The following HSD17B7 variants were observed in gnomAD, a reference collection of about 807,000 sequenced individuals.
HSD17B7 encodes 3-keto-steroid reductase/17-beta-hydroxysteroid dehydrogenase 7.
HSD17B7 carries 17 observed loss-of-function variants against 34.1 expected under a neutral mutation model. The observed-to-expected ratio is 0.50, with a 90% CI of 0.34 to 0.75. The LOEUF (loss-of-function observed/expected upper bound fraction) is 0.75, where lower values mean the gene tolerates loss of function less well. HSD17B7 is among the 30% of genes least tolerant of loss of function. The pLI, the probability that HSD17B7 is intolerant of heterozygous loss-of-function variation, is 0.01. For synonymous variants in HSD17B7, 122 were observed against 154.6 expected, an observed-to-expected ratio of 0.79 and a Z score of 1.56; for missense variants, 296 against 406.6, an observed-to-expected ratio of 0.73 and a Z score of 2.34.
intron 8 of HSD17B7, among the ~76,000 whole-genome samples, chr1:162,806,408 CA>C (rs1402507797): frequency 6.6e-6 from 1 of 152,118 alleles, no homozygotes; most frequent in Non-Finnish European, 1.5e-5. Context: ...CCAGGTTTTT[CA>C]AAATATGTTC....
intron 8 of HSD17B7, among the ~76,000 whole-genome samples, chr1:162,811,720 C>G (rs1488166092): frequency 6.6e-6 from 1 of 152,226 alleles, no homozygotes; most frequent in African/African-American, 2.4e-5. Context: ...GCATGGCCCT[C>G]AGGCTTGTGG....
chr1:162,803,644 A>G (rs1386362334), intron 6 of HSD17B7, 109 bp downstream of exon 6: 21 of 1,317,310 alleles, frequency 1.6e-5, no homozygotes, highest in Middle Eastern at 4.6e-4. Flanking sequence ...CCTGAATGCC[A>G]TTTAACTTGA....
chr1:162,799,175 T>C (rs368113652), intron 4 of HSD17B7, among the ~76,000 whole-genome samples: 1 of 152,146 alleles, frequency 6.6e-6, no homozygotes, highest in Non-Finnish European at 1.5e-5. Flanking sequence ...TATATCCATA[T>C]GGACTCATGT....
At chr1:162,811,201 C>T (rs1358226964) in intron 8 of HSD17B7, among the ~76,000 whole-genome samples, 1 of 152,110 alleles carries the variant, frequency 6.6e-6, no homozygotes, top group East Asian at 1.9e-4. Flanking sequence ...TTCTCCTTCA[C>T]TTATGAAGCT....
chr1:162,795,171 T>C (rs1429523411), intron 2 of HSD17B7, among the ~76,000 whole-genome samples: 2 of 152,192 alleles, frequency 1.3e-5, no homozygotes, highest in Admixed American at 6.5e-5. Flanking sequence ...GTGGCTCAAA[T>C]GGATCTCTTC....
intron 1 of HSD17B7, among the ~76,000 whole-genome samples, chr1:162,791,880 A>G (rs189321804): frequency 2.0e-5 from 3 of 152,256 alleles, no homozygotes; most frequent in Admixed American, 1.3e-4. Context: ...AACTATTAAC[A>G]TATTTGCCTG....
Position 162,790,905 on chromosome 1 carries a change from C to A in HSD17B7, c.35+70C>A, listed in dbSNP as rs1287694397. 3.1e-5 allele frequency: 39 copies of A among 1,274,922 alleles called. 1 individual carries two copies. The highest frequency in any genetic ancestry group is 4.2e-5 in the Non-Finnish European group (38 of 894,518). The allele number at this position is 1,274,922 out of a possible 1,614,324, so 79.0% of individuals were successfully genotyped here. A position where few individuals can be genotyped will look rare whatever the true frequency, so the allele number is the denominator to read the frequency against. On this transcript the variant is annotated intron_variant, in intron 1 of 8. Transcript: ENST00000254521. Reference sequence around the variant, plus strand: ...TCCGAGAGAGCAGGGGTCTGCGACCCTCCACGAACGGACCCCGGAAGCGCC... The same window carrying A: ...TCCGAGAGAGCAGGGGTCTGCGACCATCCACGAACGGACCCCGGAAGCGCC...
chr1:162,793,031 C>A, intron 2 of HSD17B7, 169 bp downstream of exon 2: 3 of 351,940 alleles, frequency 8.5e-6, no homozygotes, highest in Non-Finnish European at 1.0e-5. Flanking sequence ...CGTTTTCTTT[C>A]TTTTTTTTTT....
chr1:162,792,529 T>C, intron 1 of HSD17B7, 130 bp from the exon 2 acceptor site: 5 of 1,180,402 alleles, frequency 4.2e-6, no homozygotes, highest in Non-Finnish European at 5.8e-6. Flanking sequence ...AAATAATTGT[T>C]GAGTCTTTTC....
chr1:162,796,423 A>G (rs969933478), intron 2 of HSD17B7, among the ~76,000 whole-genome samples, 162 bp from the exon 3 acceptor site: 12 of 152,236 alleles, frequency 7.9e-5, no homozygotes, highest in African/African-American at 2.7e-4. Flanking sequence ...CTAATGTGCT[A>G]TAAATTCTTC....
chr1:162,807,089 C>T (rs1485448644), intron 8 of HSD17B7, among the ~76,000 whole-genome samples: 1 of 152,120 alleles, frequency 6.6e-6, no homozygotes, highest in Non-Finnish European at 1.5e-5. Flanking sequence ...TCATCATTTA[C>T]ATTAGGTATA....
chr1:162,793,222 A>T (rs1332356791), intron 2 of HSD17B7, among the ~76,000 whole-genome samples: 2 of 151,740 alleles, frequency 1.3e-5, no homozygotes, highest in Admixed American at 1.3e-4. Context: ...TTTAGTAGAG[A>T]CGGGGTTTTA....
Position 162,792,829 on chromosome 1 carries a change from C to T in HSD17B7, c.206C>T (p.Ser69Leu), listed in dbSNP as rs1370898605. The change falls in exon 2 of 9, where the codon TCG becomes TTG. Residue 69 changes from serine (S) to leucine (L), a missense_variant. Ser to Leu is a moderately radical substitution (Grantham distance 145). Coordinates refer to ENST00000254521, the MANE Select transcript of HSD17B7 (RefSeq NM_016371.4). Reference protein sequence around the residue: ...IVQVDVSNLQSVFRASKELKQ... With the variant: ...IVQVDVSNLQLVFRASKELKQ... ...CAGGTGGATGTCAGCAACCTGCAGTCGGTCTTCCGGGCCTCCAAGGAACTT... is the reference window on the plus strand; with the variant it reads ...CAGGTGGATGTCAGCAACCTGCAGTTGGTCTTCCGGGCCTCCAAGGAACTT... 8 of 1,614,034 alleles carry T rather than the reference C, an allele frequency of 5.0e-6. No homozygotes were observed. The highest frequency in any genetic ancestry group is 2.7e-5 in the African/African-American group (2 of 74,906).
chr1:162,797,094 T>TCTCGTTAC (rs1377787292), intron 3 of HSD17B7: 1 of 175,318 alleles, frequency 5.7e-6, no homozygotes, highest in Non-Finnish European at 1.2e-5. Flanking sequence ...CCTGGGAGAT[T>TCTCGTTAC]CTCGTTACTC....
Position 162,805,420 on chromosome 1 carries a change from A to C in HSD17B7, c.831A>C (p.Glu277Asp). 6.2e-7 allele frequency: 1 copy of C among 1,613,120 alleles called. No homozygotes were observed. Among genetic ancestry groups the C allele is most frequent in the East Asian group, 2.2e-5 (1 of 44,856 alleles). ...TATGGCTTTTCCACCAAAAGCCTGA[A>C]TCTCTCAATCCTCTGATCAAATATC... is the stretch of plus-strand genomic sequence containing the variant. ...ALVWLFHQKPESLNPLIKYLS... is the reference protein window; with the variant it reads ...ALVWLFHQKPDSLNPLIKYLS... Residue 277 changes from glutamate (E) to aspartate (D), a missense_variant, in exon 8 of 9, where the codon GAA (glutamate) becomes GAC (aspartate). Physicochemically the swap from Glu to Asp is conservative, Grantham distance 45. Coordinates refer to ENST00000254521, the MANE Select transcript of HSD17B7 (RefSeq NM_016371.4).
At position 162,803,464 on chromosome 1, in the gene HSD17B7, G is replaced by A. The variant is rs1648881735; in HGVS notation, c.676G>A (p.Ala226Thr). ...LYSNVACPGT[A>T]LTNLTYGILP... ...TTCCAATGTGGCCTGTCCAGGTACA[G>A]CATTGACCAATTTGACATATGGAAT... The change falls in exon 6 of 9, where the codon GCA becomes ACA. Residue 226 changes from alanine to threonine, a missense_variant. Transcript: ENST00000254521. 3 of 1,612,930 alleles carry A rather than the reference G, an allele frequency of 1.9e-6. No individual in the cohort carries two copies. Among genetic ancestry groups the A allele is most frequent in the Non-Finnish European group, 1.7e-6 (2 of 1,179,162 alleles).
At position 162,795,955 on chromosome 1, in the gene HSD17B7, C is replaced by G. The variant is rs530601126; in HGVS notation, c.240-630C>G. On this transcript the variant is annotated intron_variant, in intron 2 of 8. Transcript: ENST00000254521. The stretch of plus-strand genomic sequence containing the variant: ...TCCGTGACAAGTATTCAGGGGGGAG[C>G]CCAACAAGATTACCTTACCCCCATT... 1.6e-4 allele frequency among the ~76,000 whole-genome samples: 24 copies of G among 152,274 alleles called. No individual in the cohort carries two copies. In the East Asian group the frequency reaches 4.2e-3, roughly 27 times the overall value.
chr1:162,805,532 G>A (rs747947115), intron 8 of HSD17B7, 40 bp downstream of exon 8: 1 of 1,602,908 alleles, frequency 6.2e-7, no homozygotes, highest in South Asian at 1.1e-5. Flanking sequence ...TTTGCTGTTG[G>A]GTTGATGAAT....
At chr1:162,809,900 C>T (rs1367663478) in intron 8 of HSD17B7, among the ~76,000 whole-genome samples, 1 of 151,958 alleles carries the variant, frequency 6.6e-6, no homozygotes, top group African/African-American at 2.4e-5. Flanking sequence ...AAAAAACCAG[C>T]TCCTGGATTC....
Sources: gnomAD v4.1 joint callset for allele counts (sites outside exome capture counted in the v4.1 genomes callset) on GRCh38, gnomAD v4.1.1 for gene constraint, MANE v1.5 for transcripts, NCBI Gene and HGNC (gene_info 2026-07-23, HGNC 2026-07-21) for gene names.